TPRG1: variants seen among roughly 807,000 people sequenced by gnomAD.
TPRG1 encodes tumor protein p63 regulated 1, also known as tumor protein p63-regulated gene 1 protein.
In TPRG1, 29 loss-of-function variants were observed where a neutral mutation model predicts 29.3. The observed-to-expected ratio is 0.99, with a 90% CI of 0.74 to 1.35. TPRG1 has a LOEUF of 1.35. TPRG1 is among the 40% of genes most tolerant of loss of function. The pLI is 0.00. For missense variants in TPRG1, 327 were observed against 335.0 expected (o/e 0.98, Z 0.19); for synonymous variants, 130 against 116.8 (o/e 1.11, Z -0.73).
chr3:189,116,282 A>G (rs1028268165), intron 1 of TPRG1, among the ~76,000 whole-genome samples: 5 of 152,000 alleles, frequency 3.3e-5, no homozygotes, highest in African/African-American at 4.8e-5. Context: ...GGTTCAAGCA[A>G]TTCTCTGCCT....
At chr3:189,033,949 G>A (rs1714101141) in intron 4 of TPRG1, among the ~76,000 whole-genome samples, 1 of 152,192 alleles carries the variant, frequency 6.6e-6, no homozygotes, top group Non-Finnish European at 1.5e-5. Context: ...AACAAAGCTT[G>A]TAGAGGGCTA....
intron 3 of TPRG1, among the ~76,000 whole-genome samples, chr3:189,008,047 T>TA (rs1311992447): frequency 1.7e-4 from 19 of 110,220 alleles, no homozygotes; most frequent in Middle Eastern, 4.6e-3. Flanking sequence ...TAAAGTATAA[T>TA]AAAAAAAGAA....
At chr3:189,033,846 G>T (rs1714092411) in intron 4 of TPRG1, among the ~76,000 whole-genome samples, 1 of 152,114 alleles carries the variant, frequency 6.6e-6, no homozygotes, top group Non-Finnish European at 1.5e-5. Flanking sequence ...AAAGTGCTGG[G>T]ATTACAGGCG....
intron 1 of TPRG1, among the ~76,000 whole-genome samples, chr3:189,108,223 A>T (rs1720054705): frequency 6.6e-6 from 1 of 152,132 alleles, no homozygotes; most frequent in Non-Finnish European, 1.5e-5. Context: ...TGTGCTCTGC[A>T]ATTGGAGTCA....
intron 1 of TPRG1, among the ~76,000 whole-genome samples, chr3:189,192,036 G>A (rs1180609729): frequency 1.3e-5 from 2 of 152,140 alleles, no homozygotes; most frequent in African/African-American, 4.8e-5. Context: ...ACAAATCGGG[G>A]CACAGGAAGC....
chr3:189,255,323 G>C (rs567743985), intron 4 of TPRG1, among the ~76,000 whole-genome samples: 33 of 152,232 alleles, frequency 2.2e-4, no homozygotes, highest in Admixed American at 6.5e-4. Context: ...AATGGATTAC[G>C]TTTATTGATT....
intron 4 of TPRG1, among the ~76,000 whole-genome samples, chr3:189,035,780 G>A (rs1183592252): frequency 6.6e-6 from 1 of 152,058 alleles, no homozygotes; most frequent in Admixed American, 6.6e-5. Context: ...ACAGATGTTG[G>A]GGAAGTTGCA....
intron 3 of TPRG1, chr3:189,218,021 C>T (rs1288143895): frequency 3.7e-5 from 36 of 985,288 alleles, no homozygotes; most frequent in Non-Finnish European, 4.0e-5. Context: ...CTTGCAATTA[C>T]TCCTGGCTTC....
intron 5 of TPRG1, among the ~76,000 whole-genome samples, chr3:189,316,463 C>A (rs1723543584): frequency 6.6e-6 from 1 of 152,120 alleles, no homozygotes; most frequent in African/African-American, 2.4e-5. Context: ...ACCAGCTCAA[C>A]TGAGGAATGT....
Position 189,321,338 on chromosome 3 carries a change from A to T in TPRG1, c.*518A>T, listed in dbSNP as rs1208691995. The T allele has an allele frequency of 5.9e-5, 9 of 152,066 alleles. No individual in the cohort carries two copies. The highest frequency in any genetic ancestry group is 2.2e-4 in the African/African-American group (9 of 41,504). The allele number at this position is 152,066 out of a possible 1,614,324, so 9.4% of individuals were successfully genotyped here. A position where few individuals can be genotyped will look rare whatever the true frequency, so the allele number is the denominator to read the frequency against. On this transcript the variant is annotated 3_prime_UTR_variant, in exon 6 of 6. Transcript: ENST00000345063. ...TCTGACTGCTAATCATCTATATATC[A>T]GTGTCCCAGTGGCCTCTTAATTGAG...
rs1012436024 is a variant in TPRG1, at chr3:189,266,889, T to C, written c.479+27980T>C. On this transcript the variant is annotated intron_variant, in intron 4 of 5. Coordinates refer to ENST00000345063, the MANE Select transcript of TPRG1 (RefSeq NM_198485.4). ...CATTATGCATTTTCCTTGTGTTTTTTTTTTCCCCTTTATGCTAACTTGGAT... is the reference window on the plus strand; with the variant it reads ...CATTATGCATTTTCCTTGTGTTTTTCTTTTCCCCTTTATGCTAACTTGGAT... Among the ~76,000 whole-genome samples the C allele has an allele frequency of 7.2e-5, 11 of 152,196 alleles. No homozygotes were observed. In the East Asian group the frequency reaches 1.5e-3, roughly 21 times the overall value.
At chr3:189,239,110 C>T (rs1394500267) in intron 4 of TPRG1, among the ~76,000 whole-genome samples, 6 of 152,034 alleles carry the variant, frequency 3.9e-5, no homozygotes, top group East Asian at 1.9e-4. Context: ...TATATTAGTT[C>T]GTTTTCACAC....
chr3:189,122,612 A>G (rs991655891), intron 1 of TPRG1, among the ~76,000 whole-genome samples: 2 of 152,260 alleles, frequency 1.3e-5, no homozygotes, highest in Non-Finnish European at 1.5e-5. Context: ...CTTACAGATC[A>G]TCTAGTCCAA....
In TPRG1 at chr3:189,321,943, A is replaced by G. The variant is rs1234171553; in HGVS notation, c.*1123A>G. 6.6e-6 allele frequency: 1 copy of G among 152,060 alleles called. No homozygotes were observed. Among genetic ancestry groups the G allele is most frequent in the African/African-American group, 2.4e-5 (1 of 41,416 alleles). The allele number at this position is 152,060 out of a possible 1,614,324, so 9.4% of individuals were successfully genotyped here. ...AACACTGTCTTAACACTCTATTGTC[A>G]TTGCTCTTTTCCCTCTTATTTCCTC... On this transcript the variant is annotated 3_prime_UTR_variant, in exon 6 of 6. Transcript: ENST00000345063.
intron 1 of TPRG1, among the ~76,000 whole-genome samples, chr3:189,110,990 GGAAGT>G: frequency 6.6e-6 from 1 of 151,732 alleles, no homozygotes; most frequent in Admixed American, 6.6e-5. Context: ...AAGTAAGCCT[GGAAGT>G]TAAGTAGTAT....
chr3:189,226,881 A>G (rs546289183), intron 3 of TPRG1, among the ~76,000 whole-genome samples: 8 of 151,966 alleles, frequency 5.3e-5, no homozygotes, highest in Non-Finnish European at 1.0e-4. Flanking sequence ...ACAGCATATC[A>G]CTACAGATGC....
At chr3:189,028,686 A>G (rs1437100648) in intron 4 of TPRG1, among the ~76,000 whole-genome samples, 1 of 152,162 alleles carries the variant, frequency 6.6e-6, no homozygotes, top group Non-Finnish European at 1.5e-5. Context: ...GTGCAGTATC[A>G]TTGCTGTGAT....
At chr3:189,215,183 A>G in intron 2 of TPRG1, 109 bp from the exon 3 acceptor site, 1 of 829,912 alleles carries the variant, frequency 1.2e-6, no homozygotes, top group Admixed American at 3.2e-5. Context: ...CATAAACTAT[A>G]TCCTTTGTGA....
intron 3 of TPRG1, among the ~76,000 whole-genome samples, chr3:189,216,140 G>A (rs953879217): frequency 2.0e-5 from 3 of 151,834 alleles, no homozygotes; most frequent in Non-Finnish European, 4.4e-5. Flanking sequence ...TTTTTACTAC[G>A]GAAGCCTTAA....
Sources: gnomAD v4.1 joint callset for allele counts (sites outside exome capture counted in the v4.1 genomes callset) on GRCh38, gnomAD v4.1.1 for gene constraint, MANE v1.5 for transcripts, NCBI Gene and HGNC (gene_info 2026-07-23, HGNC 2026-07-21) for gene names.